ERAP1: variants seen among roughly 807,000 people sequenced by gnomAD.
The protein encoded by ERAP1 is adipocyte-derived leucine aminopeptidase.
ERAP1 carries 86 observed loss-of-function variants against 103.7 expected under a neutral mutation model. The ratio of observed to expected loss-of-function variants is 0.83; its 90% CI spans 0.70 to 0.99. The LOEUF (loss-of-function observed/expected upper bound fraction) is 0.99. ERAP1 is among the 50% of genes least tolerant of loss of function. ERAP1 has a pLI of 0.00. For missense variants in ERAP1, 1,009 were observed against 1,128.4 expected, an observed-to-expected ratio of 0.89 and a Z score of 1.52; for synonymous variants, 398 against 402.4, an observed-to-expected ratio of 0.99 and a Z score of 0.13.
At chr5:96,841,625 GAAGT>G in the ERAP1 span, among the ~76,000 whole-genome samples, 1 of 152,110 alleles carries the variant, frequency 6.6e-6, no homozygotes, top group African/African-American at 2.4e-5. Context: ...CTAACCCAGA[GAAGT>G]AAGTGAGCAA....
chr5:96,824,229 T>G, the ERAP1 span, among the ~76,000 whole-genome samples: 1 of 152,238 alleles, frequency 6.6e-6, no homozygotes, highest in Admixed American at 6.5e-5. Flanking sequence ...CAATGCCTGA[T>G]GTTCAAATGT....
the ERAP1 span, among the ~76,000 whole-genome samples, chr5:96,859,761 C>T: frequency 6.6e-6 from 1 of 152,168 alleles, no homozygotes; most frequent in Non-Finnish European, 1.5e-5. Context: ...AACTGCTAAG[C>T]AAGCCTAGTA....
At chr5:96,771,040 G>A (rs1039900054), downstream of ERAP1, among the ~76,000 whole-genome samples, 6 of 152,066 alleles carry the variant, frequency 3.9e-5, no homozygotes, top group African/African-American at 1.4e-4. Flanking sequence ...ATGATCCCCT[G>A]GCTATAAGGA....
chr5:96,774,716 A>C lies in ERAP1; in HGVS notation c.*1680T>G. ...TGTGTATTTTTTTAAAAGAAGGGAA[A>C]TAGTTTAGTTTGGGGTGGAAATTAC... On this transcript the variant is annotated 3_prime_UTR_variant, in exon 19 of 19. Coordinates refer to ENST00000443439, the MANE Select transcript of ERAP1 (RefSeq NM_001040458.3). 3.1e-6 allele frequency: 3 copies of C among 983,112 alleles called. No individual in the cohort carries two copies. The highest frequency in any genetic ancestry group is 3.6e-6 in the Non-Finnish European group (3 of 827,674). The allele number at this position is 983,112 out of a possible 1,614,324, so 60.9% of individuals were successfully genotyped here.
chr5:96,912,648 A>T, the ERAP1 span: 7 of 1,608,376 alleles, frequency 4.4e-6, no homozygotes, highest in Non-Finnish European at 5.9e-6. Context: ...ATACCAACAG[A>T]TGTTTTAAAG....
chr5:96,796,239 T>C (rs1287963115), intron 4 of ERAP1, among the ~76,000 whole-genome samples: 1 of 152,136 alleles, frequency 6.6e-6, no homozygotes, highest in Non-Finnish European at 1.5e-5. Context: ...ACACATAAGG[T>C]ATCTTCAAAC....
the ERAP1 span, among the ~76,000 whole-genome samples, chr5:96,860,211 G>A: frequency 6.6e-6 from 1 of 151,860 alleles, no homozygotes; most frequent in Admixed American, 6.6e-5. Context: ...GTGCCACTAC[G>A]CCTGGCTAAT....
intron 3 of ERAP1, 128 bp from the exon 4 acceptor site, chr5:96,797,437 G>C: frequency 1.0e-6 from 1 of 1,003,626 alleles, no homozygotes; most frequent in Non-Finnish European, 1.5e-6. Context: ...GTCCGAGGTA[G>C]GCAGAATGCT....
At position 96,781,100 on chromosome 5, in the gene ERAP1, G is replaced by A. The variant is rs1775103030; in HGVS notation, c.2546C>T (p.Ala849Val). 6.2e-7 allele frequency: 1 copy of A among 1,613,702 alleles called. No homozygotes were observed. The highest frequency in any genetic ancestry group is 1.3e-5 in the African/African-American group (1 of 74,854). The change falls in exon 17 of 19, where the codon GCC becomes GTC. Residue 849 changes from alanine to valine, a missense_variant. By Grantham distance (64) the Ala-to-Val change is moderately conservative. Around this residue, in one of 3 missense-constraint regions of ERAP1, gnomAD observed 611 missense variants for 651.7 expected, o/e 0.94. Coordinates refer to ENST00000443439, the MANE Select transcript of ERAP1 (RefSeq NM_001040458.3). ...IGRNPVGYPLAWQFLRKNWNK... is the reference protein window; with the variant it reads ...IGRNPVGYPLVWQFLRKNWNK... ...CCAGTTTTTCCTCAGAAATTGCCAGGCCAGTGGGTATCCTACTGGGTTCCT... is the reference window on the plus strand; with the variant it reads ...CCAGTTTTTCCTCAGAAATTGCCAGACCAGTGGGTATCCTACTGGGTTCCT...
At chr5:96,899,151 A>G in the ERAP1 span, among the ~76,000 whole-genome samples, 10 of 152,346 alleles carry the variant, frequency 6.6e-5, no homozygotes, top group South Asian at 6.2e-4. Flanking sequence ...CTCTGTGTTT[A>G]TAAGTGAGAA....
At chr5:96,814,840 T>C in the ERAP1 span, among the ~76,000 whole-genome samples, 1 of 152,152 alleles carries the variant, frequency 6.6e-6, no homozygotes, top group Non-Finnish European at 1.5e-5. Flanking sequence ...TGAAGAGACT[T>C]TTAACAGAAA....
chr5:96,873,506 G>C, the ERAP1 span: 1 of 455,150 alleles, frequency 2.2e-6, no homozygotes. Context: ...TCTTGGGGCT[G>C]GCATTTACCT....
At chr5:96,931,010 T>C in the ERAP1 span, among the ~76,000 whole-genome samples, 1 of 152,210 alleles carries the variant, frequency 6.6e-6, no homozygotes, top group Non-Finnish European at 1.5e-5. Context: ...GTGTAGGCTA[T>C]GCAGGTCAGC....
chr5:96,930,127 T>C, the ERAP1 span, among the ~76,000 whole-genome samples: 1 of 152,214 alleles, frequency 6.6e-6, no homozygotes, highest in Non-Finnish European at 1.5e-5. Context: ...GATTAGCCTT[T>C]CTTCCCTAAG....
the ERAP1 span, among the ~76,000 whole-genome samples, chr5:96,916,271 C>G: frequency 6.6e-6 from 1 of 151,446 alleles, no homozygotes; most frequent in Non-Finnish European, 1.5e-5. Flanking sequence ...AAAAAAAAGC[C>G]CCTGACTCTT....
the ERAP1 span, among the ~76,000 whole-genome samples, chr5:96,816,629 A>G: frequency 6.6e-6 from 1 of 152,134 alleles, no homozygotes; most frequent in Admixed American, 6.5e-5. Flanking sequence ...GGTTTCACTT[A>G]GGCATTCAAC....
chr5:96,838,926 A>G, the ERAP1 span, among the ~76,000 whole-genome samples: 1 of 152,240 alleles, frequency 6.6e-6, no homozygotes, highest in Non-Finnish European at 1.5e-5. Flanking sequence ...CTCTCACTTC[A>G]GATACCAGTT....
the ERAP1 span, among the ~76,000 whole-genome samples, chr5:96,848,396 C>T: frequency 6.6e-6 from 1 of 152,028 alleles, no homozygotes; most frequent in Non-Finnish European, 1.5e-5. Flanking sequence ...AAACTCTTAG[C>T]TGGACTTAAG....
chr5:96,901,919 T>C, the ERAP1 span, among the ~76,000 whole-genome samples: 1 of 152,218 alleles, frequency 6.6e-6, no homozygotes. Context: ...GGTTTAGTTA[T>C]TTGAATCAGC....
Sources: gnomAD v4.1 joint callset for allele counts (sites outside exome capture counted in the v4.1 genomes callset) on GRCh38, gnomAD v4.1.1 for gene constraint, gnomAD v4.1.1 regional missense constraint, MANE v1.5 for transcripts, NCBI Gene and HGNC (gene_info 2026-07-23, HGNC 2026-07-21) for gene names.